The following LIMS2 variants were observed in gnomAD, a reference collection of about 807,000 sequenced individuals.
LIMS2 encodes LIM zinc finger domain containing 2, also known as LIM and senescent cell antigen-like-containing domain protein 2.
LIMS2 carries 30 observed loss-of-function variants against 45.3 expected under a neutral mutation model. The observed-to-expected ratio is 0.66, with a 90% CI of 0.50 to 0.90. The LOEUF is 0.90. LIMS2 is among the 40% of genes least tolerant of loss of function. The pLI, the probability that LIMS2 is intolerant of heterozygous loss-of-function variation, is 0.00. For synonymous variants in LIMS2, 173 were observed against 188.0 expected, an observed-to-expected ratio of 0.92 and a Z score of 0.65; for missense variants, 485 against 468.7, an observed-to-expected ratio of 1.03 and a Z score of -0.32.
intron 4 of LIMS2, chr2:127,644,021 C>G (rs1329269566): frequency 6.6e-6 from 3 of 456,060 alleles, no homozygotes; most frequent in Non-Finnish European, 1.3e-5. Context: ...TGGGCAGACC[C>G]CAGATGCCAG....
At position 127,643,706 on chromosome 2, in the gene LIMS2, T is replaced by C. The variant is rs72960578; in HGVS notation, c.360-634A>G. On this transcript the variant is annotated intron_variant, in intron 4 of 9. Coordinates refer to ENST00000355119, the MANE Select transcript of LIMS2 (RefSeq NM_001161403.3). ...TTCTCAACGGAGAGACAAATCAACA[T>C]GGTTTCTGTTTCCTTGGACCTCAAA... Among the ~76,000 whole-genome samples, 920 of 152,314 alleles carry C rather than the reference T, an allele frequency of 6.0e-3. 10 individuals carry two copies. The highest frequency in any genetic ancestry group is 0.021 in the African/African-American group (881 of 41,560).
intron 1 of LIMS2, chr2:127,674,692 G>C (rs1022428730): frequency 1.0e-6 from 1 of 985,338 alleles, no homozygotes; most frequent in Non-Finnish European, 1.2e-6. Flanking sequence ...CCTTTTGCCC[G>C]TGGTTGGTGT....
upstream of LIMS2, among the ~76,000 whole-genome samples, chr2:127,677,811 G>A (rs1573857520): frequency 6.6e-6 from 1 of 152,312 alleles, no homozygotes; most frequent in African/African-American, 2.4e-5. The surrounding 1 kb of genome is among the most constrained non-coding windows in gnomAD (Gnocchi z 5.0). Flanking sequence ...GGCAACATTT[G>A]TCTGTGGTAG....
rs1684149671 is a variant in LIMS2, at chr2:127,654,890, C to A, written c.178G>T (p.Gly60Cys). Residue 60 changes from glycine (G) to cysteine (C), a missense_variant, in exon 3 of 10, where the codon GGC (glycine) becomes TGC (cysteine). Physicochemically the swap from Gly to Cys is radical, Grantham distance 159. Transcript: ENST00000355119. ...FPEGLFYEFE[G>C]RKYCEHDFQM... The stretch of plus-strand genomic sequence containing the variant: ...AAGTCGTGTTCGCAGTACTTCCGGC[C>A]TTCAAACTGCAAAGGGGTCGCAGAG... 1 of 1,613,896 alleles carries A rather than the reference C, an allele frequency of 6.2e-7. No homozygotes were observed. Among genetic ancestry groups the A allele is most frequent in the Admixed American group, 1.7e-5 (1 of 59,996 alleles).
chr2:127,649,167 G>GGAAGGAAA, intron 4 of LIMS2, among the ~76,000 whole-genome samples: 1 of 86,782 alleles, frequency 1.2e-5, no homozygotes, highest in South Asian at 3.4e-4. Context: ...GAGGAAGGTA[G>GGAAGGAAA]GAAGGAAGGA....
At chr2:127,643,638 G>C in intron 4 of LIMS2, 1 of 454,928 alleles carries the variant, frequency 2.2e-6, no homozygotes, top group South Asian at 1.6e-5. Flanking sequence ...GAAGACCTCA[G>C]AATAATTTCT....
chr2:127,640,404 A>G, intron 7 of LIMS2, 86 bp from the exon 8 acceptor site: 2 of 1,410,226 alleles, frequency 1.4e-6, no homozygotes. Context: ...GCCCTCCAAC[A>G]CGGCCCCTCT....
chr2:127,678,911 C>T (rs1475848832), upstream of LIMS2, among the ~76,000 whole-genome samples: 1 of 152,104 alleles, frequency 6.6e-6, no homozygotes, highest in Non-Finnish European at 1.5e-5. The surrounding 1 kb of genome is among the most constrained non-coding windows in gnomAD (Gnocchi z 5.3). Context: ...AGGCTTGGTA[C>T]AAATGGAATT....
In LIMS2 at chr2:127,641,265, T is replaced by C. The variant is rs2244871; in HGVS notation, c.661-277A>G. 140,772 of 327,914 alleles carry C rather than the reference T, an allele frequency of 0.43. 31,110 individuals carry two copies. The highest frequency in any genetic ancestry group is 0.52 in the South Asian group (11,769 of 22,426). 20.3% of individuals were successfully genotyped at this position (327,914 alleles called of 1,614,324 possible). ...CTCTAAGGCACTGATGGTAACCTTG[T>C]GAGTCACCATCCCCTCCCAGTCTGG... On this transcript the variant is annotated intron_variant, in intron 6 of 9. Coordinates refer to ENST00000355119, the MANE Select transcript of LIMS2 (RefSeq NM_001161403.3).
chr2:127,664,883 G>A lies in LIMS2; in HGVS notation c.12-7321C>T, dbSNP rs1280946080. Among the ~76,000 whole-genome samples the A allele has an allele frequency of 6.6e-6, 1 of 152,196 alleles. No homozygotes were observed. The highest frequency in any genetic ancestry group is 2.4e-5 in the African/African-American group (1 of 41,442). On this transcript the variant is annotated intron_variant, in intron 1 of 9. Transcript: ENST00000355119. This position sits in a 1 kb window ranked among gnomAD's most constrained non-coding sequence, Gnocchi z 5.5. ...CCGGAGCCACACAGGCCCACATTCT[G>A]CTTTGCTCCCTTCTCTGAGACCCTC...
intron 1 of LIMS2, among the ~76,000 whole-genome samples, chr2:127,658,753 C>T (rs895352662): frequency 6.6e-6 from 1 of 152,184 alleles, no homozygotes; most frequent in Non-Finnish European, 1.5e-5. Context: ...CAGTGGATTC[C>T]TGGAAGACTG....
chr2:127,649,877 G>A, intron 4 of LIMS2: 1 of 733,844 alleles, frequency 1.4e-6, no homozygotes, highest in South Asian at 1.8e-5. Flanking sequence ...CTGACGCTGG[G>A]TAAAATGGGT....
rs3732202 is a variant in LIMS2 at position 127,639,249 on chromosome 2, A to C, written c.*32T>G. The C allele has an allele frequency of 1.9e-4, 313 of 1,607,760 alleles. No individual in the cohort carries two copies. In the East Asian group the frequency reaches 6.7e-3, roughly 35 times the overall value. ...TGGACAGCAGGAGGGGAGAAGGCGGAGGGGCCGAGAGGCAGCTGCGCAAGA... is the reference window on the plus strand; with the variant it reads ...TGGACAGCAGGAGGGGAGAAGGCGGCGGGGCCGAGAGGCAGCTGCGCAAGA... On this transcript the variant is annotated 3_prime_UTR_variant, in exon 10 of 10. Coordinates refer to ENST00000355119, the MANE Select transcript of LIMS2 (RefSeq NM_001161403.3).
chr2:127,638,958 G>T lies in LIMS2; in HGVS notation c.*323C>A. The T allele has an allele frequency of 3.1e-6, 1 of 322,000 alleles. No individual in the cohort carries two copies. Among genetic ancestry groups the T allele is most frequent in the Non-Finnish European group, 5.8e-6 (1 of 171,532 alleles). The allele number at this position is 322,000 out of a possible 1,614,324, so 19.9% of individuals were successfully genotyped here. On this transcript the variant is annotated 3_prime_UTR_variant, in exon 10 of 10. Coordinates refer to ENST00000355119, the MANE Select transcript of LIMS2 (RefSeq NM_001161403.3). ...AGCCGCCTGGGGAGGGCCAGGCCAGGCGGGGAGCTGTGGTGCAATTTGCTC... is the reference window on the plus strand; with the variant it reads ...AGCCGCCTGGGGAGGGCCAGGCCAGTCGGGGAGCTGTGGTGCAATTTGCTC...
At position 127,675,156 on chromosome 2, in the gene LIMS2, C is replaced by A; in HGVS notation, c.-132G>T. The A allele has an allele frequency of 3.6e-6, 3 of 835,698 alleles. No individual in the cohort carries two copies. The highest frequency in any genetic ancestry group is 3.2e-6 in the Non-Finnish European group (2 of 629,716). 51.8% of individuals were successfully genotyped at this position (835,698 alleles called of 1,614,324 possible). A position where few individuals can be genotyped will look rare whatever the true frequency, so the allele number is the denominator to read the frequency against. On this transcript the variant is annotated 5_prime_UTR_variant, in exon 1 of 10. Coordinates refer to ENST00000355119, the MANE Select transcript of LIMS2 (RefSeq NM_001161403.3). ...GGAGACGCCCAAAAAAGGCCAAGAG[C>A]CGCTCCGCCCGCGAGAGGGGTGGGC...
Position 127,664,201 on chromosome 2 carries a change from CACGG to C in LIMS2, c.12-6643_12-6640del, listed in dbSNP as rs1305691472. On this transcript the variant is annotated intron_variant, in intron 1 of 9. Transcript: ENST00000355119. This position sits in a 1 kb window ranked among gnomAD's most constrained non-coding sequence, Gnocchi z 5.5. ...GCCCATCCGACGCCGGGGCAGAGCC[CACGG>C]CGTCGGAGGGCCCCGGTCGGGTTTC... 6 of 963,550 alleles carry C rather than the reference CACGG, an allele frequency of 6.2e-6. No homozygotes were observed. The African/African-American group carries it at 8.6e-5, about 14-fold the overall frequency. 59.7% of individuals were successfully genotyped at this position (963,550 alleles called of 1,614,324 possible). A position where few individuals can be genotyped will look rare whatever the true frequency, so the allele number is the denominator to read the frequency against.
rs13419955 is a variant in LIMS2 at position 127,641,839 on chromosome 2, G to A, written c.660+210C>T. The A allele has an allele frequency of 0.2, 104,072 of 532,150 alleles. 11,058 individuals are homozygous for A. Among genetic ancestry groups the A allele is most frequent in the African/African-American group, 0.35 (17,803 of 51,064 alleles). 33.0% of individuals were successfully genotyped at this position (532,150 alleles called of 1,614,324 possible). A position where few individuals can be genotyped will look rare whatever the true frequency, so the allele number is the denominator to read the frequency against. ...GAGAGGTGGGCACAGCTACCCAACC[G>A]TGTGTGTGCACTCGGGTCTCCTGGC... On this transcript the variant is annotated intron_variant, in intron 6 of 9. Coordinates refer to ENST00000355119, the MANE Select transcript of LIMS2 (RefSeq NM_001161403.3).
chr2:127,674,549 CAACATTTTT>C, intron 1 of LIMS2: 1 of 872,194 alleles, frequency 1.1e-6, no homozygotes, highest in Non-Finnish European at 1.4e-6. Flanking sequence ...ACATACCCTT[CAACATTTTT>C]AACATTTTTA....
rs3771295 is a variant in LIMS2 at position 127,647,285 on chromosome 2, A to G, written c.360-4213T>C. Among the ~76,000 whole-genome samples, 54,967 of 151,916 alleles carry G rather than the reference A, an allele frequency of 0.36. 10,570 individuals are homozygous for G. Among genetic ancestry groups the G allele is most frequent in the Non-Finnish European group, 0.42 (28,569 of 67,898 alleles). On this transcript the variant is annotated intron_variant, in intron 4 of 9. Transcript: ENST00000355119. The surrounding 1 kb of genome is among the most constrained non-coding windows in gnomAD (Gnocchi z 4.3). ...AGCCTGGGAGACAACTCCATGGCAAACTCTGAGACTGAGTCACACTCCCCA... is the reference window on the plus strand; with the variant it reads ...AGCCTGGGAGACAACTCCATGGCAAGCTCTGAGACTGAGTCACACTCCCCA...
Sources: allele counts gnomAD v4.1 joint callset (sites outside exome capture counted in the v4.1 genomes callset), GRCh38; gene constraint gnomAD v4.1.1; non-coding constraint Gnocchi (gnomAD v3.1); transcripts MANE v1.5; gene names NCBI Gene and HGNC (gene_info 2026-07-23, HGNC 2026-07-21).